SLC12A8: variants seen among roughly 807,000 people sequenced by gnomAD.
The protein encoded by SLC12A8 is solute carrier family 12 member 8, also known as cation-chloride cotransporter 9.
In SLC12A8, 69 loss-of-function variants were observed where a neutral mutation model predicts 75.6. The observed-to-expected ratio is 0.91, with a 90% CI of 0.75 to 1.11. SLC12A8 has a LOEUF of 1.11. SLC12A8 is among the 50% of genes most tolerant of loss of function. The probability of loss-of-function intolerance (pLI) is 0.00; values close to 1 mark genes in which losing one functional copy is unlikely to be tolerated. For synonymous variants in SLC12A8, 365 were observed against 372.8 expected (o/e 0.98, Z 0.24); for missense variants, 877 against 896.7 (o/e 0.98, Z 0.28).
chr3:125,178,091 G>A, intron 4 of SLC12A8, 117 bp from the exon 5 acceptor site: 1 of 833,766 alleles, frequency 1.2e-6, no homozygotes, highest in Non-Finnish European at 2.0e-6. Flanking sequence ...TGGCACCAAG[G>A]CACAGTGCCT....
At chr3:125,160,088 G>A (rs2107777026) in intron 5 of SLC12A8, among the ~76,000 whole-genome samples, 1 of 152,318 alleles carries the variant, frequency 6.6e-6, no homozygotes, top group African/African-American at 2.4e-5. Flanking sequence ...GACAACAGGT[G>A]TGCACCACCA....
chr3:125,180,283 G>A (rs1934630758), intron 4 of SLC12A8, among the ~76,000 whole-genome samples: 1 of 152,174 alleles, frequency 6.6e-6, no homozygotes, highest in Admixed American at 6.5e-5. Flanking sequence ...CCAAATCCTG[G>A]CTGACTTGGG....
chr3:125,159,618 TG>T (rs1316463007), intron 5 of SLC12A8, among the ~76,000 whole-genome samples: 10 of 152,148 alleles, frequency 6.6e-5, no homozygotes, highest in African/African-American at 2.4e-4. Context: ...TTTCTGGACA[TG>T]GGTGTGAGAG....
chr3:125,104,017 A>G (rs116692261), intron 10 of SLC12A8, among the ~76,000 whole-genome samples: 3,217 of 151,664 alleles, frequency 0.021, 107 homozygotes, highest in South Asian at 0.088. Flanking sequence ...AAAAAAAAAA[A>G]AGAGAGAGAA....
intron 3 of SLC12A8, among the ~76,000 whole-genome samples, chr3:125,189,939 C>A (rs1934875250): frequency 6.6e-6 from 1 of 152,198 alleles, no homozygotes; most frequent in Non-Finnish European, 1.5e-5. Context: ...GCCCACACCT[C>A]TGACCAAGCA....
intron 5 of SLC12A8, among the ~76,000 whole-genome samples, chr3:125,157,314 T>A (rs1481282058): frequency 6.6e-6 from 1 of 152,192 alleles, no homozygotes; most frequent in Non-Finnish European, 1.5e-5. Context: ...TAAATACAGA[T>A]GCTCCTTGAC....
intron 5 of SLC12A8, among the ~76,000 whole-genome samples, chr3:125,137,618 C>T (rs1933524339): frequency 1.3e-5 from 2 of 152,274 alleles, no homozygotes; most frequent in East Asian, 1.9e-4. Flanking sequence ...GGACAGAAAA[C>T]ACTTCATCAG....
intron 10 of SLC12A8, among the ~76,000 whole-genome samples, 154 bp from the exon 11 acceptor site, chr3:125,092,352 T>A (rs1027179078): frequency 2.8e-4 from 43 of 152,104 alleles, no homozygotes; most frequent in Non-Finnish European, 4.1e-4. Context: ...GAAAGAAGTG[T>A]TTATGGCCTC....
intron 5 of SLC12A8, among the ~76,000 whole-genome samples, chr3:125,141,472 T>C (rs533870286): frequency 6.6e-6 from 1 of 152,128 alleles, no homozygotes; most frequent in African/African-American, 2.4e-5. Flanking sequence ...CAGCCGGGCA[T>C]GGGACCCTTG....
At chr3:125,118,977 T>C in intron 7 of SLC12A8, 121 bp from the exon 8 acceptor site, 1 of 636,100 alleles carries the variant, frequency 1.6e-6, no homozygotes, top group Non-Finnish European at 2.8e-6. Context: ...GAAAGGCCAG[T>C]CATGAAGCTT....
At chr3:125,170,587 T>C (rs983185796) in intron 5 of SLC12A8, among the ~76,000 whole-genome samples, 3 of 152,248 alleles carry the variant, frequency 2.0e-5, no homozygotes, top group African/African-American at 4.8e-5. Context: ...TTTATGTACA[T>C]GCACATGTGC....
chr3:125,114,343 T>C (rs995310076), intron 8 of SLC12A8, among the ~76,000 whole-genome samples: 16 of 152,196 alleles, frequency 1.1e-4, no homozygotes, highest in Non-Finnish European at 1.6e-4. Flanking sequence ...GTCATGAGCT[T>C]CCAAGGTCCC....
intron 2 of SLC12A8, among the ~76,000 whole-genome samples, chr3:125,208,791 C>CACAGAG (rs1368605617): frequency 2.6e-3 from 218 of 84,188 alleles, no homozygotes; most frequent in Non-Finnish European, 3.7e-3. Context: ...CACACACACA[C>CACAGAG]AGAGAGAGAG....
At chr3:125,120,508 C>G in intron 7 of SLC12A8, 91 bp downstream of exon 7, 1 of 886,962 alleles carries the variant, frequency 1.1e-6, no homozygotes, top group South Asian at 1.4e-5. Context: ...ACAGTCGGGG[C>G]ACTCTCAGAA....
chr3:125,175,756 G>GAAAA (rs11446379), intron 5 of SLC12A8, among the ~76,000 whole-genome samples: 33 of 143,650 alleles, frequency 2.3e-4, no homozygotes, highest in African/African-American at 7.7e-4. Context: ...ACATGGCCAG[G>GAAAA]AAAAAAAAAA....
intron 8 of SLC12A8, among the ~76,000 whole-genome samples, chr3:125,113,757 A>G (rs1403725660): frequency 1.3e-5 from 2 of 152,176 alleles, no homozygotes; most frequent in African/African-American, 4.8e-5. Context: ...CCAAAATATT[A>G]CATGGGGTGT....
At chr3:125,147,062 T>C (rs532253642) in intron 5 of SLC12A8, among the ~76,000 whole-genome samples, 1 of 152,316 alleles carries the variant, frequency 6.6e-6, no homozygotes, top group Admixed American at 6.5e-5. Context: ...TGTGAGAATT[T>C]GCAGCAAAGC....
At chr3:125,156,327 G>C (rs1934050502) in intron 5 of SLC12A8, among the ~76,000 whole-genome samples, 1 of 152,170 alleles carries the variant, frequency 6.6e-6, no homozygotes, top group South Asian at 2.1e-4. Flanking sequence ...CATGGTGCCG[G>C]CTGCTTCGTC....
In SLC12A8 at chr3:125,146,534, C is replaced by T. The variant is rs1579504687; in HGVS notation, c.623-10752G>A. Among the ~76,000 whole-genome samples, 3 of 152,346 alleles carry T rather than the reference C, an allele frequency of 2.0e-5. No homozygotes were observed. In the South Asian group the frequency reaches 6.2e-4, roughly 32 times the overall value. ...TTTCCACAGCACCCTCCCCAGGGAT[C>T]CTCAGAGATGGCACCCTGCATCCTT... On this transcript the variant is annotated intron_variant, in intron 5 of 13. Coordinates refer to ENST00000469902, the MANE Select transcript of SLC12A8 (RefSeq NM_024628.6).
Sources: gnomAD v4.1 joint callset for allele counts (sites outside exome capture counted in the v4.1 genomes callset) on GRCh38, gnomAD v4.1.1 for gene constraint, MANE v1.5 for transcripts, NCBI Gene and HGNC (gene_info 2026-07-23, HGNC 2026-07-21) for gene names.